HAPLN1: variants seen among roughly 807,000 people sequenced by gnomAD.
The protein encoded by HAPLN1 is hyaluronan and proteoglycan link protein 1, also known as Cartilage link protein.
HAPLN1 carries 13 observed loss-of-function variants against 36.5 expected under a neutral mutation model. The ratio of observed to expected loss-of-function variants is 0.36; its 90% CI spans 0.23 to 0.57. The LOEUF is 0.57. Ranked by LOEUF, HAPLN1 falls within the 20% of genes least tolerant of loss-of-function variation. The pLI is 0.83. For missense variants in HAPLN1, 407 were observed against 439.7 expected, an observed-to-expected ratio of 0.93 and a Z score of 0.66; for synonymous variants, 202 against 169.8, an observed-to-expected ratio of 1.19 and a Z score of -1.48.
intron 1 of HAPLN1, chr5:83,673,801 T>A: frequency 2.9e-6 from 1 of 347,544 alleles, no homozygotes; most frequent in South Asian, 3.7e-5. Context: ...ATCTAGAAAT[T>A]TAAAACACTG....
chr5:83,639,206 A>C lies in HAPLN1; in HGVS notation c.*2290T>G, dbSNP rs1349625138. 6.6e-6 allele frequency: 1 copy of C among 152,080 alleles called. No individual in the cohort carries two copies. Among genetic ancestry groups the C allele is most frequent in the Non-Finnish European group, 1.5e-5 (1 of 67,938 alleles). 9.4% of individuals were successfully genotyped at this position (152,080 alleles called of 1,614,324 possible). On this transcript the variant is annotated 3_prime_UTR_variant, in exon 5 of 5. Transcript: ENST00000274341. ...TCATTCAAGTATGAGTATAAAGGGC[A>C]TGGAAATTCTGGTCCTTTGAGCAAA... is the stretch of plus-strand genomic sequence containing the variant.
intron 3 of HAPLN1, 43 bp downstream of exon 3, chr5:83,652,410 T>C (rs750553401): frequency 6.4e-7 from 1 of 1,553,178 alleles, no homozygotes; most frequent in Non-Finnish European, 8.7e-7. Flanking sequence ...AAAGCAACTA[T>C]TAATGACCAT....
At chr5:83,660,792 C>T (rs553067042) in intron 2 of HAPLN1, among the ~76,000 whole-genome samples, 1 of 152,100 alleles carries the variant, frequency 6.6e-6, no homozygotes. Context: ...TGTCACTTAA[C>T]CTTTCTGTAC....
chr5:83,656,419 T>TAGAATG (rs1250089252), intron 2 of HAPLN1, among the ~76,000 whole-genome samples: 1 of 146,412 alleles, frequency 6.8e-6, no homozygotes, highest in Non-Finnish European at 1.5e-5. Flanking sequence ...CCTTGATCAT[T>TAGAATG]AGAATGAGTA....
intron 1 of HAPLN1, chr5:83,682,224 T>C (rs1751022678): frequency 6.6e-6 from 1 of 152,190 alleles, no homozygotes. Context: ...ATCACAAATA[T>C]GTAAAAAGTT....
intron 1 of HAPLN1, among the ~76,000 whole-genome samples, chr5:83,691,396 T>A (rs1271927923): frequency 6.6e-6 from 1 of 152,018 alleles, no homozygotes; most frequent in Non-Finnish European, 1.5e-5. Flanking sequence ...AAAATGATCC[T>A]AAAGGATTAG....
At chr5:83,698,052 G>A (rs531439527) in intron 1 of HAPLN1, among the ~76,000 whole-genome samples, 27 of 152,104 alleles carry the variant, frequency 1.8e-4, no homozygotes, top group African/African-American at 4.6e-4. Flanking sequence ...CTTTGGTTGC[G>A]TGGCTTTTGG....
intron 1 of HAPLN1, among the ~76,000 whole-genome samples, chr5:83,707,611 A>G (rs1751681838): frequency 6.6e-6 from 1 of 152,164 alleles, no homozygotes; most frequent in Admixed American, 6.5e-5. Flanking sequence ...TTAAATGTAA[A>G]ACTAAAAACT....
At chr5:83,654,264 C>T (rs1272472856) in intron 2 of HAPLN1, among the ~76,000 whole-genome samples, 2 of 152,112 alleles carry the variant, frequency 1.3e-5, no homozygotes, top group Non-Finnish European at 2.9e-5. Context: ...CATCAATGCC[C>T]CTCACTTTGA....
At chr5:83,702,272 G>A (rs550797131) in intron 1 of HAPLN1, among the ~76,000 whole-genome samples, 121 of 151,836 alleles carry the variant, frequency 8.0e-4, no homozygotes, top group African/African-American at 2.9e-3. Context: ...GCCTTTCATG[G>A]CTTAAAAAAA....
intron 2 of HAPLN1, among the ~76,000 whole-genome samples, chr5:83,663,644 G>A (rs941702577): frequency 3.3e-5 from 5 of 151,814 alleles, no homozygotes; most frequent in South Asian, 4.2e-4. Flanking sequence ...CTCCTCCCTC[G>A]CCCAAATCTG....
rs144281126 is a variant in HAPLN1 at position 83,678,826 on chromosome 5, G to C, written c.-26-5277C>G. On this transcript the variant is annotated intron_variant, in intron 1 of 4. Transcript: ENST00000274341. ...ATAAATGGTGAATATTTGGCATACT[G>C]CTTCTAAGTTTAAAGAAATAAAATG... Among the ~76,000 whole-genome samples, 1,134 of 152,338 alleles carry C rather than the reference G, an allele frequency of 7.4e-3. 15 individuals are homozygous for C. The highest frequency in any genetic ancestry group is 0.024 in the African/African-American group (1,013 of 41,578).
intron 2 of HAPLN1, among the ~76,000 whole-genome samples, chr5:83,665,508 C>T (rs888968064): frequency 6.6e-6 from 1 of 152,146 alleles, no homozygotes; most frequent in African/African-American, 2.4e-5. Context: ...AATCTCCTCC[C>T]TTCAAGGGTA....
At chr5:83,648,395 C>CTATATATATATATATATATA (rs56115447) in intron 3 of HAPLN1, among the ~76,000 whole-genome samples, 1 of 60,658 alleles carries the variant, frequency 1.6e-5, no homozygotes, top group African/African-American at 5.9e-5. Context: ...CTATATTTGA[C>CTATATATATATATATATATA]TATATATATA....
intron 1 of HAPLN1, among the ~76,000 whole-genome samples, chr5:83,715,268 A>G (rs1445436820): frequency 6.6e-6 from 1 of 152,278 alleles, no homozygotes; most frequent in South Asian, 2.1e-4. Flanking sequence ...ACTTAAGTGT[A>G]ATGCATGAGT....
At chr5:83,719,062 C>G (rs7341169) in intron 1 of HAPLN1, among the ~76,000 whole-genome samples, 1,557 of 152,292 alleles carry the variant, frequency 0.01, 33 homozygotes, top group African/African-American at 0.035. Flanking sequence ...GGATGTGTTA[C>G]TTGCTCCCAA....
intron 1 of HAPLN1, among the ~76,000 whole-genome samples, chr5:83,682,014 C>T (rs336968): frequency 0.99 from 150,631 of 152,310 alleles, 74,505 homozygotes; most frequent in East Asian, 1. Context: ...GGTAGGAAAT[C>T]GATCATTACG....
chr5:83,686,967 C>T (rs1368519901), intron 1 of HAPLN1, among the ~76,000 whole-genome samples: 1 of 151,970 alleles, frequency 6.6e-6, no homozygotes. Context: ...AAATAAACAA[C>T]AATAACAGAA....
At chr5:83,699,831 A>G (rs1405936110) in intron 1 of HAPLN1, among the ~76,000 whole-genome samples, 1 of 152,240 alleles carries the variant, frequency 6.6e-6, no homozygotes, top group Non-Finnish European at 1.5e-5. Context: ...CAATAGGAGC[A>G]TGAAGCAAAC....
Sources: gnomAD v4.1 joint callset for allele counts (sites outside exome capture counted in the v4.1 genomes callset) on GRCh38, gnomAD v4.1.1 for gene constraint, MANE v1.5 for transcripts, NCBI Gene and HGNC (gene_info 2026-07-23, HGNC 2026-07-21) for gene names.